Variants in MYO16 observed in about 807,000 individuals in gnomAD.
MYO16 encodes unconventional myosin-XVI.
MYO16 carries 94 observed loss-of-function variants against 205.3 expected under a neutral mutation model. The ratio of observed to expected loss-of-function variants is 0.46; its 90% CI spans 0.39 to 0.54. The LOEUF is 0.54. MYO16 is among the 20% of genes least tolerant of loss of function. The pLI, the probability that MYO16 is intolerant of heterozygous loss-of-function variation, is 0.00. For missense variants in MYO16, 2,315 were observed against 2,387.5 expected (o/e 0.97, Z 0.63); for synonymous variants, 988 against 954.0 (o/e 1.04, Z -0.66).
chr13:108,770,314 C>G (rs980948559), intron 4 of MYO16, among the ~76,000 whole-genome samples: 1 of 151,984 alleles, frequency 6.6e-6, no homozygotes, highest in African/African-American at 2.4e-5. Context: ...TTTATTTTTA[C>G]TGTCTTTAAA....
chr13:108,614,730 T>C (rs1184893822), intron 1 of MYO16, among the ~76,000 whole-genome samples: 1 of 152,110 alleles, frequency 6.6e-6, no homozygotes, highest in Non-Finnish European at 1.5e-5. Flanking sequence ...GAAGAGTCTA[T>C]TCAACAAATG....
At chr13:109,076,945 T>C (rs893653465) in intron 27 of MYO16, among the ~76,000 whole-genome samples, 5 of 152,148 alleles carry the variant, frequency 3.3e-5, no homozygotes, top group African/African-American at 1.2e-4. Context: ...CTGGATCTTA[T>C]ATTATTTTAC....
chr13:108,703,427 C>G (rs915517816), intron 2 of MYO16, among the ~76,000 whole-genome samples: 1 of 151,886 alleles, frequency 6.6e-6, no homozygotes, highest in African/African-American at 2.4e-5. Flanking sequence ...ATACATGAAG[C>G]AAAACTGAGA....
At chr13:109,171,194 A>G (rs1364531048) in intron 33 of MYO16, among the ~76,000 whole-genome samples, 1 of 152,204 alleles carries the variant, frequency 6.6e-6, no homozygotes, top group Non-Finnish European at 1.5e-5. Flanking sequence ...TAAATCCCAT[A>G]CAGAGGGCAG....
intron 1 of MYO16, among the ~76,000 whole-genome samples, chr13:108,653,212 T>G (rs1329779942): frequency 6.6e-6 from 1 of 152,232 alleles, no homozygotes; most frequent in Non-Finnish European, 1.5e-5. Context: ...ATTCAAGTCC[T>G]TTTCCCATTT....
At chr13:108,794,617 A>T (rs931945568) in intron 6 of MYO16, among the ~76,000 whole-genome samples, 1 of 152,356 alleles carries the variant, frequency 6.6e-6, no homozygotes, top group Non-Finnish European at 1.5e-5. Context: ...TAAATTATTA[A>T]AAGATCAACA....
At chr13:109,078,272 CA>C (rs3042877) in intron 27 of MYO16, among the ~76,000 whole-genome samples, 2,756 of 136,478 alleles carry the variant, frequency 0.02, 68 homozygotes, top group African/African-American at 0.059. Flanking sequence ...ACTAAAAATA[CA>C]AAAAAAAAAA....
chr13:108,978,178 T>C (rs1884334615), intron 20 of MYO16, among the ~76,000 whole-genome samples: 1 of 152,082 alleles, frequency 6.6e-6, no homozygotes, highest in African/African-American at 2.4e-5. Flanking sequence ...CTTTTCTTAT[T>C]AGTTCTAATA....
chr13:108,828,501 C>T (rs985205910), intron 9 of MYO16, among the ~76,000 whole-genome samples: 2 of 151,966 alleles, frequency 1.3e-5, no homozygotes, highest in African/African-American at 4.8e-5. Flanking sequence ...TGATTTTTAT[C>T]CTTGATTTCT....
intron 2 of MYO16, among the ~76,000 whole-genome samples, chr13:108,686,634 G>T (rs996902698): frequency 6.6e-6 from 1 of 152,058 alleles, no homozygotes; most frequent in Non-Finnish European, 1.5e-5. Context: ...ACTAGTTGAG[G>T]GCTTAAACCA....
intron 28 of MYO16, among the ~76,000 whole-genome samples, chr13:109,107,268 A>G (rs771994364): frequency 9.9e-5 from 15 of 152,234 alleles, no homozygotes; most frequent in Admixed American, 2.6e-4. Context: ...TTTTATCACA[A>G]TCTTCTAATG....
chr13:109,201,677 T>A (rs1880401273), intron 34 of MYO16, among the ~76,000 whole-genome samples: 1 of 152,090 alleles, frequency 6.6e-6, no homozygotes, highest in Non-Finnish European at 1.5e-5. Context: ...AGTGGTGATT[T>A]GTGAGATTTT....
At chr13:109,119,021 A>C (rs1875858216) in intron 28 of MYO16, among the ~76,000 whole-genome samples, 1 of 152,036 alleles carries the variant, frequency 6.6e-6, no homozygotes, top group Non-Finnish European at 1.5e-5. Flanking sequence ...GTCATAATGC[A>C]TGATTCAGTC....
At chr13:109,151,080 A>T (rs1048372159) in intron 32 of MYO16, among the ~76,000 whole-genome samples, 5 of 152,116 alleles carry the variant, frequency 3.3e-5, no homozygotes, top group Non-Finnish European at 7.3e-5. Context: ...GAAGAGAAAA[A>T]CCTATTTCCC....
chr13:108,895,236 A>T, intron 14 of MYO16, among the ~76,000 whole-genome samples: 1 of 152,172 alleles, frequency 6.6e-6, no homozygotes, highest in East Asian at 1.9e-4. Flanking sequence ...AAATTTGAAT[A>T]AGTAAATATT....
intron 12 of MYO16, among the ~76,000 whole-genome samples, chr13:108,879,211 G>A (rs994550661): frequency 2.0e-5 from 3 of 152,178 alleles, no homozygotes; most frequent in East Asian, 1.9e-4. Flanking sequence ...CATACAGTGT[G>A]TTCTTTTATG....
chr13:109,007,539 CGTGTGTGTGTGTGTGT>C (rs71125360), intron 21 of MYO16, among the ~76,000 whole-genome samples: 12,284 of 133,650 alleles, frequency 0.092, 601 homozygotes, highest in Middle Eastern at 0.13. Context: ...AGAAATCAGC[CGTGTGTGTGTGTGTGT>C]GTGTGTGTGT....
At chr13:108,773,441 C>G (rs1372838402) in intron 4 of MYO16, among the ~76,000 whole-genome samples, 1 of 152,114 alleles carries the variant, frequency 6.6e-6, no homozygotes, top group African/African-American at 2.4e-5. Flanking sequence ...TAGGGGGACT[C>G]CCTCTCTCAC....
chr13:108,966,534 G>C (rs962054275), intron 20 of MYO16, among the ~76,000 whole-genome samples: 1 of 152,136 alleles, frequency 6.6e-6, no homozygotes, highest in Non-Finnish European at 1.5e-5. Flanking sequence ...CTTTGCATGG[G>C]AATATTGCCA....
Sources: allele counts gnomAD v4.1 joint callset (sites outside exome capture counted in the v4.1 genomes callset), GRCh38; gene constraint gnomAD v4.1.1; transcripts MANE v1.5; gene names NCBI Gene and HGNC (gene_info 2026-07-23, HGNC 2026-07-21).